Variants in C11orf97 observed in about 807,000 individuals in gnomAD.
C11orf97 encodes chromosome 11 open reading frame 97, also known as uncharacterized protein C11orf97.
C11orf97 carries 15 observed loss-of-function variants against 16.2 expected under a neutral mutation model. The observed-to-expected ratio is 0.93, with a 90% CI of 0.62 to 1.43. The LOEUF is 1.43. C11orf97 is among the 40% of genes most tolerant of loss of function. The pLI is 0.00. For synonymous variants in C11orf97, 61 were observed against 65.7 expected (o/e 0.93, Z 0.34); for missense variants, 171 against 161.2 (o/e 1.06, Z -0.33).
At chr11:94,517,878 G>C (rs1277755900) in intron 2 of C11orf97, among the ~76,000 whole-genome samples, 191 bp downstream of exon 2, 2 of 151,930 alleles carry the variant, frequency 1.3e-5, no homozygotes, top group Non-Finnish European at 2.9e-5. Context: ...GGCTGGGCAC[G>C]GTGGCTCACG....
Position 94,531,899 on chromosome 11 carries a change from A to G in C11orf97, c.380A>G (p.Ter127=). 1 of 1,471,052 alleles carries G rather than the reference A, an allele frequency of 6.8e-7. No individual in the cohort carries two copies. 91.1% of individuals were successfully genotyped at this position (1,471,052 alleles called of 1,614,324 possible). A position where few individuals can be genotyped will look rare whatever the true frequency, so the allele number is the denominator to read the frequency against. Residue 127 remains the stop codon, a stop_retained_variant, in exon 4 of 4, where the codon TAA becomes TGA. Coordinates refer to ENST00000542198, the MANE Select transcript of C11orf97 (RefSeq NM_001190462.2). ...TCACTTTTTTTTTTAACTCTAGGAT[A>G]AGATGAATTAGATTTTCCATTAAGA... is the stretch of plus-strand genomic sequence containing the variant. ...YYSRHGGLRR[*]
chr11:94,526,419 T>G (rs1221042482), intron 2 of C11orf97, among the ~76,000 whole-genome samples: 6 of 152,238 alleles, frequency 3.9e-5, no homozygotes, highest in Non-Finnish European at 7.3e-5. Context: ...TCAGGTGTTT[T>G]TCTCTGTGAC....
intron 2 of C11orf97, among the ~76,000 whole-genome samples, chr11:94,526,650 T>C (rs1258314591): frequency 6.6e-6 from 1 of 152,194 alleles, no homozygotes; most frequent in Non-Finnish European, 1.5e-5. Flanking sequence ...CTCCTAAATT[T>C]GAGAGTTTAT....
chr11:94,517,808 A>G, intron 2 of C11orf97, 121 bp downstream of exon 2: 1 of 648,780 alleles, frequency 1.5e-6, no homozygotes, highest in Non-Finnish European at 2.4e-6. Context: ...AAGTTCTTGA[A>G]CTAGTTTATA....
At chr11:94,525,939 G>T (rs562572859) in intron 2 of C11orf97, among the ~76,000 whole-genome samples, 2 of 152,318 alleles carry the variant, frequency 1.3e-5, no homozygotes, top group South Asian at 4.1e-4. Flanking sequence ...ACGTATAAAG[G>T]TTTCTGAGTA....
At chr11:94,514,558 G>C (rs1162843958) in intron 1 of C11orf97, among the ~76,000 whole-genome samples, 1 of 151,276 alleles carries the variant, frequency 6.6e-6, no homozygotes. Flanking sequence ...AAACATCCTT[G>C]AATTATATAA....
intron 2 of C11orf97, among the ~76,000 whole-genome samples, chr11:94,526,592 T>G (rs1947702807): frequency 6.6e-6 from 1 of 152,166 alleles, no homozygotes; most frequent in Non-Finnish European, 1.5e-5. Flanking sequence ...ATTTCCCTGG[T>G]CTCCCACAGG....
intron 2 of C11orf97, among the ~76,000 whole-genome samples, chr11:94,519,354 G>T (rs1384045855): frequency 6.6e-6 from 1 of 152,204 alleles, no homozygotes; most frequent in Non-Finnish European, 1.5e-5. Flanking sequence ...TGAACTTAAT[G>T]AATGGATGCA....
At chr11:94,518,311 G>A (rs1451578427) in intron 2 of C11orf97, among the ~76,000 whole-genome samples, 1 of 152,004 alleles carries the variant, frequency 6.6e-6, no homozygotes, top group Non-Finnish European at 1.5e-5. Context: ...AAGTAACAGT[G>A]GTTTCCAAAC....
chr11:94,525,061 GAAAAAAAGAAAAAAA>G (rs200523936), intron 2 of C11orf97, among the ~76,000 whole-genome samples: 4,397 of 89,380 alleles, frequency 0.049, 149 homozygotes, highest in African/African-American at 0.13. Context: ...TCCATCTCAA[GAAAAAAAGAAAAAAA>G]AAAAAAAGAA....
At chr11:94,513,819 T>C (rs1947587172) in intron 1 of C11orf97, among the ~76,000 whole-genome samples, 1 of 152,208 alleles carries the variant, frequency 6.6e-6, no homozygotes, top group Non-Finnish European at 1.5e-5. Flanking sequence ...AAAATTATTA[T>C]GATTATTATT....
chr11:94,528,267 C>A, intron 3 of C11orf97, 58 bp downstream of exon 3: 2 of 1,453,946 alleles, frequency 1.4e-6, no homozygotes, highest in Non-Finnish European at 1.8e-6. Context: ...TTACAGTTTA[C>A]AAACCAGTGG....
intron 3 of C11orf97, 126 bp from the exon 4 acceptor site, chr11:94,531,770 T>C: frequency 1.5e-6 from 1 of 680,164 alleles, no homozygotes; most frequent in Non-Finnish European, 2.2e-6. Context: ...ATGACATGGG[T>C]GTGGCTCTTA....
At chr11:94,527,291 G>T (rs1214202260) in intron 2 of C11orf97, among the ~76,000 whole-genome samples, 1 of 152,174 alleles carries the variant, frequency 6.6e-6, no homozygotes, top group African/African-American at 2.4e-5. Flanking sequence ...AGAATATTTG[G>T]CATTAATATT....
intron 1 of C11orf97, 136 bp from the exon 2 acceptor site, chr11:94,517,447 C>A: frequency 2.2e-6 from 1 of 461,666 alleles, no homozygotes; most frequent in Non-Finnish European, 3.7e-6. Flanking sequence ...CAAGATAGAG[C>A]CTTCAGGGCA....
At chr11:94,531,089 C>T (rs1246374226) in intron 3 of C11orf97, among the ~76,000 whole-genome samples, 3 of 152,142 alleles carry the variant, frequency 2.0e-5, no homozygotes, top group African/African-American at 7.2e-5. Flanking sequence ...GAATTATGAT[C>T]ATCCAACTGT....
At position 94,517,640 on chromosome 11, in the gene C11orf97, A is replaced by C; in HGVS notation, c.203A>C (p.Glu68Ala). The C allele has an allele frequency of 6.5e-7, 1 of 1,533,396 alleles. No individual in the cohort carries two copies. Among genetic ancestry groups the C allele is most frequent in the South Asian group, 1.2e-5 (1 of 83,104 alleles). 95.0% of individuals were successfully genotyped at this position (1,533,396 alleles called of 1,614,324 possible). Residue 68 changes from glutamate (E) to alanine (A), a missense_variant, in exon 2 of 4, where the codon GAA becomes GCA. Transcript: ENST00000542198. ...HKRIKEVLEE[E>A]RHIKRDECHI... ...AGAATTAAGGAAGTACTGGAAGAAGAACGTCATATTAAGAGAGATGAATGC... is the reference window on the plus strand; with the variant it reads ...AGAATTAAGGAAGTACTGGAAGAAGCACGTCATATTAAGAGAGATGAATGC...
Position 94,512,630 on chromosome 11 carries a change from G to T in C11orf97, c.102G>T (p.Ala34=). The change falls in exon 1 of 4, where the codon GCG becomes GCT. Residue 34 remains alanine, a synonymous_variant. Transcript: ENST00000542198. ...CGCCAGCAGGGCTGGGGTGCGGGGC[G>T]CGCGGGGAACCCGGCCGCGGCCCCC... is the stretch of plus-strand genomic sequence containing the variant. ...PPPPAGLGCG[A]RGEPGRGPLE... is the part of the protein sequence containing the mutation. 8.0e-7 allele frequency: 1 copy of T among 1,256,370 alleles called. No individual in the cohort carries two copies. Among genetic ancestry groups the T allele is most frequent in the South Asian group, 3.0e-5 (1 of 33,834 alleles). The allele number at this position is 1,256,370 out of a possible 1,614,324, so 77.8% of individuals were successfully genotyped here. A position where few individuals can be genotyped will look rare whatever the true frequency, so the allele number is the denominator to read the frequency against.
intron 2 of C11orf97, among the ~76,000 whole-genome samples, chr11:94,518,149 G>GAAAA (rs370762855): frequency 0.18 from 18,995 of 108,474 alleles, 1,975 homozygotes; most frequent in East Asian, 0.32. Flanking sequence ...CTCCATATCA[G>GAAAA]AAAAAAAAAA....
Sources: gnomAD v4.1 joint callset for allele counts (sites outside exome capture counted in the v4.1 genomes callset) on GRCh38, gnomAD v4.1.1 for gene constraint, MANE v1.5 for transcripts, NCBI Gene and HGNC (gene_info 2026-07-23, HGNC 2026-07-21) for gene names.